Variants in SLC39A11 observed in about 807,000 individuals in gnomAD.
The protein encoded by SLC39A11 is zinc transporter ZIP11.
Under a neutral mutation model 36.1 loss-of-function variants are expected in SLC39A11, and 33 were observed. That is an observed-to-expected ratio of 0.91 (90% confidence interval 0.69 to 1.22). The LOEUF is 1.22. SLC39A11 is among the 50% of genes most tolerant of loss of function. The pLI is 0.00. For missense variants in SLC39A11, 432 were observed against 430.3 expected (o/e 1.00, Z -0.03); for synonymous variants, 166 against 170.3 (o/e 0.97, Z 0.20).
intron 4 of SLC39A11, among the ~76,000 whole-genome samples, chr17:72,996,626 GTCTCT>G (rs1450031109): frequency 6.6e-6 from 1 of 151,988 alleles, no homozygotes; most frequent in Non-Finnish European, 1.5e-5. Context: ...TGCTTCCCTT[GTCTCT>G]TCTCTTTTTA....
intron 5 of SLC39A11, among the ~76,000 whole-genome samples, chr17:72,867,919 A>G (rs2080392361): frequency 6.6e-6 from 1 of 152,116 alleles, no homozygotes; most frequent in African/African-American, 2.4e-5. Flanking sequence ...CCAAAACCCA[A>G]CTCACTGTAA....
intron 9 of SLC39A11, among the ~76,000 whole-genome samples, chr17:72,648,375 C>A (rs2069675884): frequency 6.8e-6 from 1 of 146,894 alleles, no homozygotes; most frequent in South Asian, 2.3e-4. Context: ...AAAACAACAA[C>A]AAAATGGAAC....
chr17:72,893,363 A>T (rs889569354), intron 5 of SLC39A11, among the ~76,000 whole-genome samples: 1 of 152,180 alleles, frequency 6.6e-6, no homozygotes, highest in Non-Finnish European at 1.5e-5. Context: ...TGGGAGGCTG[A>T]GGCAGGAGAA....
At chr17:72,928,326 G>A (rs151063431) in intron 5 of SLC39A11, among the ~76,000 whole-genome samples, 53 of 152,256 alleles carry the variant, frequency 3.5e-4, no homozygotes, top group Non-Finnish European at 4.9e-4. Context: ...AAAAGAACAC[G>A]TAAGTTCTGT....
At chr17:72,889,628 T>C (rs1304017820) in intron 5 of SLC39A11, among the ~76,000 whole-genome samples, 1 of 152,238 alleles carries the variant, frequency 6.6e-6, no homozygotes, top group Non-Finnish European at 1.5e-5. Context: ...GCTTCTTTGA[T>C]GCTAGTGTTG....
intron 6 of SLC39A11, among the ~76,000 whole-genome samples, chr17:72,812,334 C>T (rs530712316): frequency 6.6e-6 from 1 of 152,232 alleles, no homozygotes; most frequent in Admixed American, 6.5e-5. Flanking sequence ...GTATCCTAGA[C>T]ATTTTGGTTT....
At chr17:72,962,207 C>G (rs1045975473) in intron 4 of SLC39A11, among the ~76,000 whole-genome samples, 1 of 152,202 alleles carries the variant, frequency 6.6e-6, no homozygotes, top group Admixed American at 6.5e-5. Flanking sequence ...ATACACCATG[C>G]CTGGATAAGA....
chr17:72,873,151 TA>T (rs1409861533), intron 5 of SLC39A11, among the ~76,000 whole-genome samples: 1 of 152,086 alleles, frequency 6.6e-6, no homozygotes, highest in African/African-American at 2.4e-5. Context: ...CTCCTATTCT[TA>T]ACATCGCTAT....
At chr17:73,048,434 C>T (rs2059392052) in intron 3 of SLC39A11, among the ~76,000 whole-genome samples, 1 of 152,216 alleles carries the variant, frequency 6.6e-6, no homozygotes, top group Admixed American at 6.5e-5. Flanking sequence ...ACCCAGTCCA[C>T]CACGGATGGG....
chr17:72,722,411 A>G (rs556528161), intron 7 of SLC39A11, among the ~76,000 whole-genome samples: 9 of 151,854 alleles, frequency 5.9e-5, no homozygotes, highest in African/African-American at 1.7e-4. Flanking sequence ...GCATTGCCCA[A>G]TGGAGTTCAA....
chr17:72,910,080 G>A (rs977870490), intron 5 of SLC39A11, among the ~76,000 whole-genome samples: 1 of 152,088 alleles, frequency 6.6e-6, no homozygotes, highest in Non-Finnish European at 1.5e-5. Context: ...AGTTACAGCA[G>A]AAGGTTGGAC....
chr17:72,747,342 G>T (rs991157908), intron 6 of SLC39A11, among the ~76,000 whole-genome samples: 3 of 152,148 alleles, frequency 2.0e-5, no homozygotes, highest in African/African-American at 7.2e-5. Flanking sequence ...GTAGAGGCGG[G>T]GTTTTTGCCA....
At chr17:72,851,373 G>C (rs2079311655) in intron 5 of SLC39A11, among the ~76,000 whole-genome samples, 1 of 152,186 alleles carries the variant, frequency 6.6e-6, no homozygotes, top group Non-Finnish European at 1.5e-5. Flanking sequence ...CACAGCATGG[G>C]ATGGATTTGT....
chr17:73,025,980 C>T (rs185937541), intron 4 of SLC39A11, among the ~76,000 whole-genome samples: 6 of 151,104 alleles, frequency 4.0e-5, no homozygotes, highest in African/African-American at 1.5e-4. Flanking sequence ...TAGCCAGGTG[C>T]GGTGGCAGGT....
At chr17:72,703,640 G>C (rs1269749205) in intron 7 of SLC39A11, among the ~76,000 whole-genome samples, 1 of 152,180 alleles carries the variant, frequency 6.6e-6, no homozygotes, top group African/African-American at 2.4e-5. Flanking sequence ...GACAGATTCA[G>C]TCCTTAAATC....
intron 6 of SLC39A11, among the ~76,000 whole-genome samples, chr17:72,761,335 G>A (rs925238888): frequency 3.3e-5 from 5 of 151,976 alleles, no homozygotes; most frequent in Admixed American, 1.3e-4. Context: ...AGCTGGTCTC[G>A]AACTCCTGAC....
At chr17:72,815,794 C>T (rs2077562370) in intron 6 of SLC39A11, among the ~76,000 whole-genome samples, 1 of 151,424 alleles carries the variant, frequency 6.6e-6, no homozygotes, top group Non-Finnish European at 1.5e-5. Flanking sequence ...TGGTAGTGGC[C>T]ACCTGCAGTT....
At chr17:72,764,770 G>C (rs2075707494) in intron 6 of SLC39A11, among the ~76,000 whole-genome samples, 1 of 152,144 alleles carries the variant, frequency 6.6e-6, no homozygotes, top group Non-Finnish European at 1.5e-5. Flanking sequence ...TTGCAGCCCA[G>C]CAATAGGAGA....
chr17:72,740,360 C>T (rs564457235), intron 6 of SLC39A11, among the ~76,000 whole-genome samples: 37 of 152,158 alleles, frequency 2.4e-4, no homozygotes, highest in East Asian at 5.8e-4. Context: ...CCACCGCGCC[C>T]GGCCAGAATT....
Sources: gnomAD v4.1 joint callset for allele counts (sites outside exome capture counted in the v4.1 genomes callset) on GRCh38, gnomAD v4.1.1 for gene constraint, MANE v1.5 for transcripts, NCBI Gene and HGNC (gene_info 2026-07-23, HGNC 2026-07-21) for gene names.